The following ZNF726 variants were observed in gnomAD, a reference collection of about 807,000 sequenced individuals.
ZNF726 encodes zinc finger protein 726.
ZNF726 carries 15 observed loss-of-function variants against 11.6 expected under a neutral mutation model. That is an observed-to-expected ratio of 1.29 (90% CI 0.86 to 1.99). The LOEUF is 1.99. ZNF726 is among the 30% of genes most tolerant of loss of function. The pLI, the probability that ZNF726 is intolerant of heterozygous loss-of-function variation, is 0.00. For missense variants in ZNF726, 890 were observed against 725.6 expected, an observed-to-expected ratio of 1.23 and a Z score of -2.60; for synonymous variants, 295 against 243.6, an observed-to-expected ratio of 1.21 and a Z score of -1.96.
intron 3 of ZNF726, among the ~76,000 whole-genome samples, chr19:23,925,210 A>G (rs1043684702): frequency 6.6e-6 from 1 of 152,136 alleles, no homozygotes; most frequent in Non-Finnish European, 1.5e-5. Context: ...ATTGTATCAA[A>G]TATGTCTTCA....
Position 23,932,588 on chromosome 19 carries a change from A to C in ZNF726, c.472A>C (p.Ile158Leu), listed in dbSNP as rs373345443. The C allele has an allele frequency of 1.3e-6, 2 of 1,547,084 alleles. No homozygotes were observed. The highest frequency in any genetic ancestry group is 1.7e-6 in the Non-Finnish European group (2 of 1,148,182). ...GKYLKVFYKFINLNRYKIRHT... is the reference protein window; with the variant it reads ...GKYLKVFYKFLNLNRYKIRHT... ...ATATTTGAAAGTCTTTTATAAATTTATAAATTTAAACAGATATAAGATAAG... is the reference window on the plus strand; with the variant it reads ...ATATTTGAAAGTCTTTTATAAATTTCTAAATTTAAACAGATATAAGATAAG... Residue 158 changes from isoleucine (I) to leucine (L), a missense_variant, in exon 4 of 4, where the codon ATA (isoleucine) becomes CTA (leucine). Coordinates refer to ENST00000594466, the MANE Select transcript of ZNF726 (RefSeq NM_001244038.2).
intron 1 of ZNF726, among the ~76,000 whole-genome samples, chr19:23,917,699 A>G (rs566067887): frequency 6.6e-6 from 1 of 152,302 alleles, no homozygotes; most frequent in African/African-American, 2.4e-5. Flanking sequence ...AAATAATAAA[A>G]TAATACATTT....
intron 3 of ZNF726, among the ~76,000 whole-genome samples, chr19:23,943,273 C>T (rs550814571): frequency 6.6e-6 from 1 of 152,196 alleles, no homozygotes; most frequent in South Asian, 2.1e-4. Context: ...ATATTAAAAT[C>T]CAATATCCAG....
At chr19:23,932,097 G>GT (rs1968118850) in intron 3 of ZNF726, among the ~76,000 whole-genome samples, 1 of 152,026 alleles carries the variant, frequency 6.6e-6, no homozygotes, top group Non-Finnish European at 1.5e-5. Flanking sequence ...CTTCTATGTG[G>GT]TTTTTTGCAT....
intron 3 of ZNF726, among the ~76,000 whole-genome samples, chr19:23,924,989 A>G (rs1967948325): frequency 1.3e-5 from 2 of 152,178 alleles, no homozygotes; most frequent in Admixed American, 6.5e-5. Context: ...CTAAAACTCA[A>G]TATCCATTAA....
intron 3 of ZNF726, among the ~76,000 whole-genome samples, chr19:23,930,845 C>T (rs977328418): frequency 3.9e-5 from 6 of 152,096 alleles, no homozygotes; most frequent in Non-Finnish European, 8.8e-5. Flanking sequence ...ACAAAATTTA[C>T]CACAAAATAT....
intron 3 of ZNF726, among the ~76,000 whole-genome samples, chr19:23,926,271 C>G (rs910455719): frequency 6.6e-6 from 1 of 151,858 alleles, no homozygotes; most frequent in African/African-American, 2.4e-5. Flanking sequence ...AAGAAGTTAT[C>G]CGGTCGGGTG....
chr19:23,934,783 C>CA (rs778220600), downstream of ZNF726, among the ~76,000 whole-genome samples: 16 of 152,222 alleles, frequency 1.1e-4, no homozygotes, highest in Non-Finnish European at 1.9e-4. Flanking sequence ...CCCTCTCTCA[C>CA]AGAGTTACTA....
chr19:23,932,031 A>T (rs933907602), intron 3 of ZNF726, among the ~76,000 whole-genome samples: 10 of 152,192 alleles, frequency 6.6e-5, no homozygotes. Context: ...TAAAGGCACT[A>T]TGTTATAGTG....
downstream of ZNF726, among the ~76,000 whole-genome samples, chr19:23,937,698 CGAT>C (rs905863794): frequency 9.3e-5 from 14 of 151,318 alleles, no homozygotes; most frequent in African/African-American, 3.4e-4. Flanking sequence ...ACATCCCAGA[CGAT>C]GGGCGGCCAG....
rs771882029 is a variant in ZNF726, at chr19:23,920,039, G to A, written c.183G>A (p.Glu61=). 6.3e-7 allele frequency: 1 copy of A among 1,591,140 alleles called. No individual in the cohort carries two copies. Among genetic ancestry groups the A allele is most frequent in the Non-Finnish European group, 8.6e-7 (1 of 1,166,710 alleles). Residue 61 remains glutamate, a synonymous_variant, in exon 3 of 4, where the codon GAG becomes GAA. Transcript: ENST00000594466. ...TCATCTGTCTGGAGAAAGAAAAAGA[G>A]CCCTGGAATATGAAGCGAGATGAGA... is the stretch of plus-strand genomic sequence containing the variant. The part of the protein sequence containing the change: ...DLIICLEKEK[E]PWNMKRDEMV...
Position 23,930,120 on chromosome 19 carries a change from C to T in ZNF726, c.227-2223C>T, listed in dbSNP as rs567649799. Among the ~76,000 whole-genome samples the T allele has an allele frequency of 2.2e-4, 34 of 152,258 alleles. No individual in the cohort carries two copies. In the South Asian group the frequency reaches 6.8e-3, roughly 31 times the overall value. On this transcript the variant is annotated intron_variant, in intron 3 of 3. Coordinates refer to ENST00000594466, the MANE Select transcript of ZNF726 (RefSeq NM_001244038.2). ...CCATGTACCATTTTTTTTGGTAGAA[C>T]TGTGCTACTGGTGATGAACACCCTT... is the stretch of plus-strand genomic sequence containing the variant.
intron 3 of ZNF726, 34 bp from the exon 4 acceptor site, chr19:23,932,309 G>A: frequency 3.1e-6 from 4 of 1,282,650 alleles, no homozygotes; most frequent in Non-Finnish European, 4.0e-6. Flanking sequence ...TGTCAGTATA[G>A]TAAGTGGAGT....
chr19:23,922,899 CAG>C (rs113439938), intron 3 of ZNF726, among the ~76,000 whole-genome samples: 7,698 of 151,006 alleles, frequency 0.051, 402 homozygotes, highest in African/African-American at 0.12. Context: ...TTCTTGCTGT[CAG>C]GGGATAAGCA....
intron 1 of ZNF726, among the ~76,000 whole-genome samples, chr19:23,916,982 C>T (rs888379603): frequency 3.3e-5 from 5 of 152,022 alleles, no homozygotes; most frequent in African/African-American, 9.7e-5. Context: ...ACAGAGTTTC[C>T]CTCTGTCACC....
chr19:23,939,876 T>TTTTTTTTTTTTTTTTTTTTTG, intron 3 of ZNF726, among the ~76,000 whole-genome samples: 1 of 148,858 alleles, frequency 6.7e-6, no homozygotes, highest in Non-Finnish European at 1.5e-5. Flanking sequence ...TTTTTTTTTT[T>TTTTTTTTTTTTTTTTTTTTTG]TTTTTTCTGA....
downstream of ZNF726, among the ~76,000 whole-genome samples, chr19:23,939,175 G>A (rs1057115179): frequency 2.6e-4 from 37 of 143,438 alleles, no homozygotes; most frequent in African/African-American, 7.3e-4. Flanking sequence ...TTATACCTTT[G>A]CATTCTCATA....
chr19:23,919,529 A>G (rs768409229), intron 2 of ZNF726, 30 bp downstream of exon 2: 11 of 1,550,050 alleles, frequency 7.1e-6, no homozygotes, highest in Middle Eastern at 1.7e-4. Flanking sequence ...AAAATTTTTA[A>G]TATAAACTAA....
intron 3 of ZNF726, among the ~76,000 whole-genome samples, chr19:23,922,029 C>T (rs925007595): frequency 6.6e-6 from 1 of 152,098 alleles, no homozygotes; most frequent in Admixed American, 6.5e-5. Context: ...TCGTTGTACC[C>T]CCAGGGTGAT....
Sources: gnomAD v4.1 joint callset for allele counts (sites outside exome capture counted in the v4.1 genomes callset) on GRCh38, gnomAD v4.1.1 for gene constraint, MANE v1.5 for transcripts, NCBI Gene and HGNC (gene_info 2026-07-23, HGNC 2026-07-21) for gene names.